PRKCH: variants seen among roughly 807,000 people sequenced by gnomAD.
PRKCH encodes the protein protein kinase C eta, also known as protein kinase C eta type.
Under a neutral mutation model 82.5 loss-of-function variants are expected in PRKCH, and 28 were observed. The observed-to-expected ratio is 0.34, with a 90% CI of 0.25 to 0.47. The LOEUF is 0.47. PRKCH is among the 20% of genes least tolerant of loss of function. The probability of loss-of-function intolerance (pLI) is 1.00; values close to 1 mark genes in which losing one functional copy is unlikely to be tolerated. For synonymous variants in PRKCH, 322 were observed against 327.4 expected, an observed-to-expected ratio of 0.98 and a Z score of 0.18; for missense variants, 705 against 881.8, an observed-to-expected ratio of 0.80 and a Z score of 2.54.
chr14:61,228,469 T>C (rs1043156134), intron 1 of PRKCH, among the ~76,000 whole-genome samples: 17 of 152,162 alleles, frequency 1.1e-4, no homozygotes, highest in Admixed American at 3.3e-4. Flanking sequence ...CCTTGGAGGA[T>C]TGGCGATCAG....
At chr14:61,400,726 C>T (rs1881561350) in intron 2 of PRKCH, among the ~76,000 whole-genome samples, 1 of 152,160 alleles carries the variant, frequency 6.6e-6, no homozygotes, top group African/African-American at 2.4e-5. Context: ...TAAACTCTTA[C>T]CTAGTAACTG....
chr14:61,420,221 G>T (rs1413249905), intron 2 of PRKCH, among the ~76,000 whole-genome samples: 2 of 152,132 alleles, frequency 1.3e-5, no homozygotes, highest in African/African-American at 4.8e-5. Context: ...ACACGTGTCT[G>T]TGTCTGCTCT....
Position 61,505,485 on chromosome 14 carries a change from C to T in PRKCH, c.1433+19829C>T, listed in dbSNP as rs145872139. Among the ~76,000 whole-genome samples, 443 of 134,710 alleles carry T rather than the reference C, an allele frequency of 3.3e-3. 12 individuals carry two copies. In the East Asian group the frequency reaches 0.047, roughly 14 times the overall value. The allele number at this position is 134,710 out of a possible 152,430, so 88.4% of individuals were successfully genotyped here. A position where few individuals can be genotyped will look rare whatever the true frequency, so the allele number is the denominator to read the frequency against. ...CCACCTACCGGCTTCAAGCAATTCT[C>T]CTGCCTCAGCCTCCTGAGTAGCTGG... On this transcript the variant is annotated intron_variant, in intron 10 of 13. Coordinates refer to ENST00000332981, the MANE Select transcript of PRKCH (RefSeq NM_006255.5).
intron 1 of PRKCH, among the ~76,000 whole-genome samples, chr14:61,301,233 A>G (rs1289900935): frequency 2.0e-5 from 3 of 152,212 alleles, no homozygotes; most frequent in African/African-American, 7.2e-5. Context: ...GGTTCCAGAA[A>G]AATTACACTG....
rs74428733 is a variant in PRKCH, at chr14:61,516,943, G to C, written c.1434-12132G>C. On this transcript the variant is annotated intron_variant, in intron 10 of 13. Transcript: ENST00000332981. ...ATGTGAGGTATGTTTTTAATTCCAA[G>C]AGCCTGTGAGTGGTTCTGAAGTGCA... Among the ~76,000 whole-genome samples the C allele has an allele frequency of 4.0e-3, 608 of 152,194 alleles. 32 individuals are homozygous for C. In the East Asian group the frequency reaches 0.1, roughly 25 times the overall value.
At chr14:61,192,550 A>T (rs1279061096) in intron 1 of PRKCH, among the ~76,000 whole-genome samples, 3 of 152,188 alleles carry the variant, frequency 2.0e-5, no homozygotes, top group African/African-American at 7.2e-5. Flanking sequence ...GTTATCAGGT[A>T]GGTGTGTGTA....
chr14:61,357,882 G>T (rs1041792022), intron 1 of PRKCH, among the ~76,000 whole-genome samples: 1 of 151,986 alleles, frequency 6.6e-6, no homozygotes, highest in South Asian at 2.1e-4. Context: ...GACTTCATCT[G>T]CTCTCTAGGT....
chr14:61,281,182 G>T (rs936134336), intron 1 of PRKCH: 12 of 1,255,400 alleles, frequency 9.6e-6, no homozygotes, highest in African/African-American at 1.6e-5. Context: ...CGGGCTGACC[G>T]AGTGGGGGCC....
At chr14:61,452,512 T>C (rs927155148) in intron 6 of PRKCH, among the ~76,000 whole-genome samples, 2 of 152,218 alleles carry the variant, frequency 1.3e-5, no homozygotes, top group African/African-American at 2.4e-5. Context: ...AGATCCTTCA[T>C]TGTCCCCAGG....
In PRKCH at chr14:61,530,453, T is replaced by C. The variant is rs563690013; in HGVS notation, c.1619T>C (p.Met540Thr). The change falls in exon 12 of 14, where the codon ATG (methionine) becomes ACG (threonine). Residue 540 changes from methionine to threonine, a missense_variant. Physicochemically the swap from Met to Thr is moderately conservative, Grantham distance 81. Transcript: ENST00000332981. ...GGGCCTGCAGTAGACTGGTGGGCAATGGGCGTGTTGCTCTATGAGATGCTC... is the reference window on the plus strand; with the variant it reads ...GGGCCTGCAGTAGACTGGTGGGCAACGGGCGTGTTGCTCTATGAGATGCTC... ...LYGPAVDWWA[M>T]GVLLYEMLCG... 30 of 1,609,766 alleles carry C rather than the reference T, an allele frequency of 1.9e-5. No individual in the cohort carries two copies. In the East Asian group the frequency reaches 3.3e-4, roughly 18 times the overall value.
At chr14:61,505,960 G>T (rs1489818982) in intron 10 of PRKCH, among the ~76,000 whole-genome samples, 1 of 152,096 alleles carries the variant, frequency 6.6e-6, no homozygotes, top group African/African-American at 2.4e-5. Flanking sequence ...AAGGTGAGGA[G>T]CCCCGGGCCA....
intron 10 of PRKCH, among the ~76,000 whole-genome samples, chr14:61,506,991 AC>A: frequency 1.3e-5 from 2 of 152,340 alleles, no homozygotes; most frequent in South Asian, 4.1e-4. Context: ...GAAACACTTG[AC>A]AAAATGGAAA....
intron 1 of PRKCH, among the ~76,000 whole-genome samples, chr14:61,343,391 A>G (rs111326143): frequency 0.011 from 1,602 of 150,148 alleles, 22 homozygotes; most frequent in Non-Finnish European, 0.015. Flanking sequence ...AACAGACACT[A>G]GACTGGATAG....
chr14:61,372,609 C>T (rs2140174960), intron 1 of PRKCH, among the ~76,000 whole-genome samples: 1 of 152,088 alleles, frequency 6.6e-6, no homozygotes, highest in East Asian at 1.9e-4. Flanking sequence ...ATGTGAAATT[C>T]GTTATGTAAA....
intron 1 of PRKCH, among the ~76,000 whole-genome samples, chr14:61,333,897 G>C (rs1425812393): frequency 1.3e-5 from 2 of 152,140 alleles, no homozygotes; most frequent in East Asian, 3.9e-4. Context: ...TGATGAGATT[G>C]GTGAGGCCTG....
chr14:61,294,474 A>G (rs990274165), intron 1 of PRKCH, among the ~76,000 whole-genome samples: 4 of 151,876 alleles, frequency 2.6e-5, no homozygotes, highest in African/African-American at 7.3e-5. Context: ...CATAATTCCC[A>G]TTTATTAATA....
Position 61,250,238 on chromosome 14 carries a change from A to AAAATAAATAAAT in PRKCH, c.-19+62603_-19+62614dup, listed in dbSNP as rs371406494. The stretch of plus-strand genomic sequence containing the variant: ...GGCGATAGAGTGAGACTCAGTCTCA[A>AAAATAAATAAAT]AAATAAATAAATAAATAAATAAATA... On this transcript the variant is annotated intron_variant, in intron 1 of 3. Transcript: ENST00000555185. 6.4e-3 allele frequency among the ~76,000 whole-genome samples: 898 copies of AAAATAAATAAAT among 139,240 alleles called. 4 individuals carry two copies. Among genetic ancestry groups the AAAATAAATAAAT allele is most frequent in the African/African-American group, 0.013 (490 of 36,730 alleles). 91.3% of individuals were successfully genotyped at this position (139,240 alleles called of 152,430 possible).
At chr14:61,241,885 A>G (rs149808848) in intron 1 of PRKCH, among the ~76,000 whole-genome samples, 1 of 152,318 alleles carries the variant, frequency 6.6e-6, no homozygotes, top group Non-Finnish European at 1.5e-5. Context: ...GTTTTATGGG[A>G]TAAACCGTGT....
At chr14:61,243,415 A>C (rs555186907) in intron 1 of PRKCH, among the ~76,000 whole-genome samples, 6 of 151,646 alleles carry the variant, frequency 4.0e-5, no homozygotes, top group Non-Finnish European at 8.8e-5. Context: ...AAAAGAAAAA[A>C]AGTTGAAATC....
Sources: allele counts gnomAD v4.1 joint callset (sites outside exome capture counted in the v4.1 genomes callset), GRCh38; gene constraint gnomAD v4.1.1; transcripts MANE v1.5; gene names NCBI Gene and HGNC (gene_info 2026-07-23, HGNC 2026-07-21).